UST: variants seen among roughly 807,000 people sequenced by gnomAD.
UST encodes chondroitin sulfate 2-O-sulfotransferase.
UST carries 21 observed loss-of-function variants against 45.6 expected under a neutral mutation model. That is an observed-to-expected ratio of 0.46 (90% CI 0.33 to 0.66). UST has a LOEUF of 0.66. Among genes scored for constraint, UST ranks in the 30% least tolerant of loss-of-function variants. The pLI, the probability that UST is intolerant of heterozygous loss-of-function variation, is 0.02. For missense variants in UST, 463 were observed against 512.4 expected (o/e 0.90, Z 0.93); for synonymous variants, 215 against 200.6 (o/e 1.07, Z -0.61).
At chr6:149,027,315 TA>T (rs1776063847) in intron 7 of UST, among the ~76,000 whole-genome samples, 1 of 152,272 alleles carries the variant, frequency 6.6e-6, no homozygotes, top group African/African-American at 2.4e-5. Flanking sequence ...CTATTTATAA[TA>T]AAGAACAGTT....
At chr6:148,984,578 A>G (rs1781204480) in intron 5 of UST, among the ~76,000 whole-genome samples, 1 of 152,246 alleles carries the variant, frequency 6.6e-6, no homozygotes, top group Non-Finnish European at 1.5e-5. Context: ...TCTGTCTTGC[A>G]GGCTGGAGTG....
chr6:148,778,288 A>C (rs1776572323), intron 1 of UST, among the ~76,000 whole-genome samples: 1 of 148,734 alleles, frequency 6.7e-6, no homozygotes, highest in Non-Finnish European at 1.5e-5. Context: ...AGGGTTGTTA[A>C]GCTTCTTTGT....
intron 1 of UST, among the ~76,000 whole-genome samples, chr6:148,879,507 A>G (rs972536280): frequency 2.0e-5 from 3 of 152,210 alleles, no homozygotes; most frequent in African/African-American, 7.2e-5. Flanking sequence ...ACCAAATACC[A>G]TGGACTTGTC....
At chr6:148,938,105 C>A (rs569269515) in intron 2 of UST, among the ~76,000 whole-genome samples, 12 of 152,266 alleles carry the variant, frequency 7.9e-5, no homozygotes, top group Admixed American at 5.9e-4. Context: ...TTTTTATTTT[C>A]TCTGATGACT....
chr6:149,060,261 ACTTT>A (rs5880826), intron 7 of UST, among the ~76,000 whole-genome samples: 48,177 of 151,844 alleles, frequency 0.32, 8,014 homozygotes, highest in Non-Finnish European at 0.36. Context: ...TTTTCTGTTT[ACTTT>A]ATCAACCCTC....
At chr6:148,859,476 G>T (rs1004688178) in intron 1 of UST, among the ~76,000 whole-genome samples, 2 of 152,134 alleles carry the variant, frequency 1.3e-5, no homozygotes, top group African/African-American at 4.8e-5. Context: ...TTCTTTTGCT[G>T]TGCAGAAGCT....
Position 149,017,797 on chromosome 6 carries a change from TATAC to T in UST, c.682-1340_682-1337del, listed in dbSNP as rs755414947. On this transcript the variant is annotated intron_variant, in intron 5 of 7. Coordinates refer to ENST00000367463, the MANE Select transcript of UST (RefSeq NM_005715.3). Reference sequence around the variant, plus strand: ...CTCATTGCAGCAATGAATATCCATATATACACACACACACACACACACACACACA... The same window carrying T: ...CTCATTGCAGCAATGAATATCCATATACACACACACACACACACACACACA... Among the ~76,000 whole-genome samples the T allele has an allele frequency of 1.2e-3, 74 of 59,452 alleles. 1 individual carries two copies. In the South Asian group the frequency reaches 0.037, roughly 30 times the overall value. The allele number at this position is 59,452 out of a possible 152,430, so 39.0% of individuals were successfully genotyped here.
At chr6:148,832,751 T>G (rs539884373) in intron 1 of UST, among the ~76,000 whole-genome samples, 21 of 152,200 alleles carry the variant, frequency 1.4e-4, no homozygotes, top group Non-Finnish European at 1.8e-4. Flanking sequence ...GGATACCCAG[T>G]GGTGCAGTGT....
chr6:148,908,860 C>A (rs1242344915), intron 2 of UST, among the ~76,000 whole-genome samples: 1 of 152,124 alleles, frequency 6.6e-6, no homozygotes, highest in Non-Finnish European at 1.5e-5. Context: ...TGATGATAAA[C>A]CTGAATCATC....
intron 1 of UST, among the ~76,000 whole-genome samples, chr6:148,811,052 A>G (rs891677062): frequency 8.5e-5 from 13 of 152,230 alleles, no homozygotes; most frequent in African/African-American, 2.4e-4. Flanking sequence ...TATATCAGCT[A>G]TCTATTGCCA....
At chr6:148,928,509 T>G (rs573184606) in intron 2 of UST, among the ~76,000 whole-genome samples, 1 of 152,380 alleles carries the variant, frequency 6.6e-6, no homozygotes, top group East Asian at 1.9e-4. Flanking sequence ...CTGAATGTAA[T>G]AACAGTTCCC....
chr6:148,820,135 C>T (rs919759254), intron 1 of UST, among the ~76,000 whole-genome samples: 2 of 152,130 alleles, frequency 1.3e-5, no homozygotes, highest in African/African-American at 2.4e-5. Flanking sequence ...TAGTGACAAC[C>T]GTTTGAGGAT....
intron 1 of UST, among the ~76,000 whole-genome samples, chr6:148,813,207 A>T (rs1407195791): frequency 6.6e-6 from 1 of 152,164 alleles, no homozygotes; most frequent in Non-Finnish European, 1.5e-5. Context: ...AAATTCCAGT[A>T]AGTGCCCTCA....
intron 1 of UST, among the ~76,000 whole-genome samples, chr6:148,844,018 G>A (rs1486743642): frequency 1.3e-5 from 2 of 152,102 alleles, no homozygotes; most frequent in Admixed American, 6.5e-5. Flanking sequence ...CCACCCTTTC[G>A]TTCACCTGGT....
At chr6:149,065,613 C>G (rs547926610) in intron 7 of UST, among the ~76,000 whole-genome samples, 14 of 152,244 alleles carry the variant, frequency 9.2e-5, no homozygotes, top group African/African-American at 3.4e-4. Context: ...TTTTCACTTA[C>G]CAGCCAGCTA....
chr6:149,071,224 T>C (rs181459174), intron 7 of UST, among the ~76,000 whole-genome samples: 1 of 152,298 alleles, frequency 6.6e-6, no homozygotes, highest in Admixed American at 6.5e-5. Context: ...AGCCTCTACA[T>C]AGAGAATTTT....
At chr6:148,754,744 ATTG>A (rs1776062712) in intron 1 of UST, among the ~76,000 whole-genome samples, 1 of 152,226 alleles carries the variant, frequency 6.6e-6, no homozygotes, top group Non-Finnish European at 1.5e-5. Context: ...ACTGTTATGT[ATTG>A]TTCACTATAT....
chr6:148,796,479 A>T (rs1776949819), intron 1 of UST, among the ~76,000 whole-genome samples: 1 of 152,010 alleles, frequency 6.6e-6, no homozygotes, highest in Non-Finnish European at 1.5e-5. Context: ...CAAAAATTAG[A>T]TGGACGTGGT....
Position 148,964,624 on chromosome 6 carries a change from A to G in UST, c.681+61A>G, listed in dbSNP as rs565518666. 241 of 1,595,128 alleles carry G rather than the reference A, an allele frequency of 1.5e-4. 5 individuals are homozygous for G. In the South Asian group the frequency reaches 2.1e-3, roughly 14 times the overall value. On this transcript the variant is annotated intron_variant, in intron 5 of 7. Coordinates refer to ENST00000367463, the MANE Select transcript of UST (RefSeq NM_005715.3). ...CTGCCTGAGGAGTGGGCCCTCCACCAGGGAAGGTTCACTCTTCCCTTCCCA... is the reference window on the plus strand; with the variant it reads ...CTGCCTGAGGAGTGGGCCCTCCACCGGGGAAGGTTCACTCTTCCCTTCCCA...
Sources: allele counts gnomAD v4.1 joint callset (sites outside exome capture counted in the v4.1 genomes callset), GRCh38; gene constraint gnomAD v4.1.1; transcripts MANE v1.5; gene names NCBI Gene and HGNC (gene_info 2026-07-23, HGNC 2026-07-21).